ANO3: variants seen among roughly 807,000 people sequenced by gnomAD.
The protein encoded by ANO3 is anoctamin 3.
In ANO3, 99 loss-of-function variants were observed where a neutral mutation model predicts 144.8. That is an observed-to-expected ratio of 0.68 (90% CI 0.58 to 0.81). The LOEUF is 0.81. ANO3 is among the 30% of genes least tolerant of loss of function. ANO3 has a pLI of 0.00. For synonymous variants in ANO3, 414 were observed against 392.6 expected, an observed-to-expected ratio of 1.05 and a Z score of -0.64; for missense variants, 905 against 1,202.2, an observed-to-expected ratio of 0.75 and a Z score of 3.66.
chr11:26,240,866 A>C (rs988528896), intron 1 of ANO3, among the ~76,000 whole-genome samples: 1 of 152,176 alleles, frequency 6.6e-6, no homozygotes, highest in Non-Finnish European at 1.5e-5. Flanking sequence ...TTAAATTTCT[A>C]TAATATGTAT....
chr11:26,658,726 A>C (rs1291030630), intron 26 of ANO3, among the ~76,000 whole-genome samples: 1 of 152,162 alleles, frequency 6.6e-6, no homozygotes, highest in Non-Finnish European at 1.5e-5. Context: ...ACATTCCTGG[A>C]TATTTCTGTG....
intron 1 of ANO3, among the ~76,000 whole-genome samples, chr11:26,382,824 G>A (rs1474874692): frequency 6.6e-6 from 1 of 152,100 alleles, no homozygotes; most frequent in Non-Finnish European, 1.5e-5. Context: ...GAAAACATTG[G>A]CATTAATTGG....
At chr11:26,414,697 T>G (rs1857525202) in intron 1 of ANO3, among the ~76,000 whole-genome samples, 1 of 148,816 alleles carries the variant, frequency 6.7e-6, no homozygotes, top group East Asian at 2.0e-4. Context: ...CCATGGTACA[T>G]GTATACATAT....
intron 14 of ANO3, chr11:26,565,333 T>A (rs201972788): frequency 3.3e-5 from 53 of 1,611,136 alleles, no homozygotes; most frequent in Non-Finnish European, 4.4e-5. Context: ...GATGGAGAAG[T>A]TGGTTCTGAA....
intron 1 of ANO3, among the ~76,000 whole-genome samples, chr11:26,198,420 A>G (rs1023523260): frequency 3.3e-5 from 5 of 152,172 alleles, no homozygotes; most frequent in African/African-American, 1.2e-4. Context: ...GTAGCTATTC[A>G]TTATAGTGTA....
chr11:26,234,684 C>T (rs1393245126), intron 1 of ANO3, among the ~76,000 whole-genome samples: 1 of 152,122 alleles, frequency 6.6e-6, no homozygotes, highest in Admixed American at 6.6e-5. Context: ...CTTTGAGTTT[C>T]CCCTATGTCT....
intron 1 of ANO3, among the ~76,000 whole-genome samples, chr11:26,303,900 A>G (rs1854296913): frequency 6.6e-6 from 1 of 151,926 alleles, no homozygotes; most frequent in African/African-American, 2.4e-5. Flanking sequence ...TTGTATTTTT[A>G]GTAGAGTAGG....
chr11:26,341,853 A>G (rs1855370901), intron 1 of ANO3, among the ~76,000 whole-genome samples: 1 of 152,330 alleles, frequency 6.6e-6, no homozygotes, highest in East Asian at 1.9e-4. Flanking sequence ...GTTCCAGGAC[A>G]GGAAGCATCC....
At chr11:26,564,506 A>AT (rs549283317) in intron 14 of ANO3, among the ~76,000 whole-genome samples, 2 of 149,702 alleles carry the variant, frequency 1.3e-5, no homozygotes, top group Admixed American at 6.7e-5. Flanking sequence ...AAACTTAGTT[A>AT]TTTTTTTTCA....
chr11:26,357,796 A>G (rs1001015705), intron 1 of ANO3, among the ~76,000 whole-genome samples: 11 of 152,130 alleles, frequency 7.2e-5, no homozygotes, highest in African/African-American at 1.9e-4. Context: ...GTTTCTTTCT[A>G]GAAGTTTTTT....
chr11:26,379,380 TG>T (rs1856518057), intron 1 of ANO3, among the ~76,000 whole-genome samples: 1 of 152,142 alleles, frequency 6.6e-6, no homozygotes, highest in African/African-American at 2.4e-5. Flanking sequence ...AACTGCTCTG[TG>T]AAGGATAGAG....
At chr11:26,463,214 A>G (rs544046660) in intron 4 of ANO3, 66 bp downstream of exon 4, 3 of 814,310 alleles carry the variant, frequency 3.7e-6, no homozygotes, top group Admixed American at 2.6e-5. Flanking sequence ...TACAATATTC[A>G]TCTACATATT....
At chr11:26,450,728 T>A (rs1255493180) in intron 3 of ANO3, among the ~76,000 whole-genome samples, 1 of 152,186 alleles carries the variant, frequency 6.6e-6, no homozygotes, top group African/African-American at 2.4e-5. Flanking sequence ...TGAAAGCTGT[T>A]GTGAGACTCA....
At chr11:26,309,039 T>G (rs151030827), upstream of ANO3, among the ~76,000 whole-genome samples, 2 of 152,304 alleles carry the variant, frequency 1.3e-5, no homozygotes, top group African/African-American at 4.8e-5. Context: ...CTAGGTAACA[T>G]TTCAGGATTG....
rs367822925 is a variant in ANO3, at chr11:26,553,224, GT to G, written c.1290-20del. The G allele has an allele frequency of 3.8e-4, 450 of 1,174,358 alleles. 11 individuals are homozygous for G. In the African/African-American group the frequency reaches 8.6e-3, roughly 22 times the overall value. 72.7% of individuals were successfully genotyped at this position (1,174,358 alleles called of 1,614,324 possible). On this transcript the variant is annotated intron_variant, in intron 12 of 26. Transcript: ENST00000256737. ...ACAGTTTCATGCTATGTTTTGTTTTGTTTTTGTTTTTGTTTTTTCTCAAGCC... is the reference window on the plus strand; with the variant it reads ...ACAGTTTCATGCTATGTTTTGTTTTGTTTTGTTTTTGTTTTTTCTCAAGCC...
intron 4 of ANO3, among the ~76,000 whole-genome samples, chr11:26,490,423 A>G (rs1325671988): frequency 6.6e-6 from 1 of 152,220 alleles, no homozygotes; most frequent in African/African-American, 2.4e-5. Context: ...TCTAGATACC[A>G]AAGTAGACTG....
At chr11:26,506,102 C>T (rs1013292707) in intron 4 of ANO3, among the ~76,000 whole-genome samples, 3 of 151,622 alleles carry the variant, frequency 2.0e-5, no homozygotes, top group African/African-American at 4.8e-5. Flanking sequence ...TGGAGGCAAA[C>T]GCCCTCTAAA....
At position 26,391,236 on chromosome 11, in the gene ANO3, C is replaced by T. The variant is rs116959340; in HGVS notation, c.47-50682C>T. Among the ~76,000 whole-genome samples the T allele has an allele frequency of 2.9e-3, 435 of 152,148 alleles. 4 individuals are homozygous for T. Among genetic ancestry groups the T allele is most frequent in the African/African-American group, 9.6e-3 (397 of 41,512 alleles). On this transcript the variant is annotated intron_variant, in intron 1 of 26. Transcript: ENST00000256737. Reference sequence around the variant, plus strand: ...TAAGGTGACACAGGGCATCACATGACGAAGGGGCTCACCAGAGACAGACAG... The same window carrying T: ...TAAGGTGACACAGGGCATCACATGATGAAGGGGCTCACCAGAGACAGACAG...
intron 1 of ANO3, among the ~76,000 whole-genome samples, chr11:26,438,439 G>T (rs1040096092): frequency 2.0e-5 from 3 of 151,594 alleles, no homozygotes; most frequent in Non-Finnish European, 4.4e-5. Context: ...AGATTCAATG[G>T]AATCCCTATC....
Sources: allele counts gnomAD v4.1 joint callset (sites outside exome capture counted in the v4.1 genomes callset), GRCh38; gene constraint gnomAD v4.1.1; transcripts MANE v1.5; gene names NCBI Gene and HGNC (gene_info 2026-07-23, HGNC 2026-07-21).